Variants in PAK5 observed in about 807,000 individuals in gnomAD.
PAK5 encodes the protein serine/threonine-protein kinase PAK 5.
In PAK5, 16 loss-of-function variants were observed where a neutral mutation model predicts 65.9. The ratio of observed to expected loss-of-function variants is 0.24; its 90% CI spans 0.16 to 0.37. The LOEUF is 0.37. Ranked by LOEUF, PAK5 falls within the 10% of genes least tolerant of loss-of-function variation. PAK5 has a pLI of 1.00. For missense variants in PAK5, 785 were observed against 903.9 expected (o/e 0.87, Z 1.69); for synonymous variants, 371 against 354.9 (o/e 1.05, Z -0.51).
chr20:9,707,441 AG>A (rs2048022878), intron 2 of PAK5, among the ~76,000 whole-genome samples: 1 of 152,174 alleles, frequency 6.6e-6, no homozygotes. Context: ...TTATTTGGCT[AG>A]GGAATACCTA....
Position 9,772,533 on chromosome 20 carries a change from G to T in PAK5, c.-161-61098C>A, listed in dbSNP as rs369999986. On this transcript the variant is annotated intron_variant, in intron 1 of 9. Transcript: ENST00000353224. ...GCTCTAAACGCCCCAGTCTCCTTGT[G>T]AAGATAATCTGGCTTCCCATTTGGT... Among the ~76,000 whole-genome samples, 9 of 152,314 alleles carry T rather than the reference G, an allele frequency of 5.9e-5. No homozygotes were observed. In the South Asian group the frequency reaches 1.0e-3, roughly 18 times the overall value.
chr20:9,803,596 G>A (rs2123740940), intron 1 of PAK5, among the ~76,000 whole-genome samples: 1 of 152,242 alleles, frequency 6.6e-6, no homozygotes, highest in South Asian at 2.1e-4. Context: ...AGTGGATGTT[G>A]GAAAAGCTGA....
intron 1 of PAK5, among the ~76,000 whole-genome samples, chr20:9,778,809 G>A (rs1437299915): frequency 6.6e-6 from 1 of 152,124 alleles, no homozygotes; most frequent in Non-Finnish European, 1.5e-5. Context: ...TACATGCATA[G>A]TTTAATAAAT....
At chr20:9,737,973 T>C (rs888828930) in intron 1 of PAK5, among the ~76,000 whole-genome samples, 1 of 152,082 alleles carries the variant, frequency 6.6e-6, no homozygotes, top group Non-Finnish European at 1.5e-5. Flanking sequence ...AAACCCCATC[T>C]TTACTAAAAA....
intron 1 of PAK5, among the ~76,000 whole-genome samples, chr20:9,837,650 A>G (rs1163819338): frequency 6.6e-6 from 1 of 152,190 alleles, no homozygotes; most frequent in African/African-American, 2.4e-5. Context: ...AGGTAAGAGA[A>G]AGAGTGTCTA....
At chr20:9,541,726 C>T (rs1032700725) in intron 9 of PAK5, among the ~76,000 whole-genome samples, 1 of 152,180 alleles carries the variant, frequency 6.6e-6, no homozygotes, top group Non-Finnish European at 1.5e-5. Flanking sequence ...TCTGTGCCCA[C>T]TCAAATCTCA....
intron 1 of PAK5, among the ~76,000 whole-genome samples, chr20:9,794,429 G>C (rs2049083256): frequency 6.6e-6 from 1 of 152,038 alleles, no homozygotes; most frequent in South Asian, 2.1e-4. Flanking sequence ...CTCTGCATAA[G>C]CAATAAAGAC....
In PAK5 at chr20:9,641,205, G is replaced by A. The variant is rs577306292; in HGVS notation, c.204+2920C>T. 5.3e-3 allele frequency among the ~76,000 whole-genome samples: 800 copies of A among 151,906 alleles called. 6 individuals are homozygous for A. The highest frequency in any genetic ancestry group is 0.011 in the South Asian group (55 of 4,788). ...CCAGAGCAGCTAGATACAGAGTGTC[G>A]ATTGGTGCACCCACAAACCTTGAGC... On this transcript the variant is annotated intron_variant, in intron 3 of 9. Transcript: ENST00000353224.
intron 2 of PAK5, among the ~76,000 whole-genome samples, chr20:9,661,863 T>C (rs1308503327): frequency 1.3e-5 from 2 of 152,176 alleles, no homozygotes; most frequent in South Asian, 2.1e-4. Flanking sequence ...GCCAAAAGCC[T>C]ATGGCTCCTA....
chr20:9,627,910 A>G (rs2046869588), intron 3 of PAK5, among the ~76,000 whole-genome samples: 2 of 152,218 alleles, frequency 1.3e-5, no homozygotes, highest in Non-Finnish European at 2.9e-5. Flanking sequence ...TATAGGCATG[A>G]GCCATTGCGC....
In PAK5 at chr20:9,566,369, C is replaced by T; in HGVS notation, c.1006G>A (p.Ala336Thr). Residue 336 changes from alanine (A) to threonine (T), a missense_variant, in exon 5 of 10, where the codon GCA (alanine) becomes ACA (threonine). By Grantham distance (58) the Ala-to-Thr change is moderately conservative. This residue lies in a region of PAK5 where 422 missense variants were observed against 413.3 expected (regional missense o/e 1.02). Transcript: ENST00000353224. Reference sequence around the variant, plus strand: ...AGTGGAGGGCTGAGGACCATCTGTGCTCGATCGTAATCCACCTGGGAAGAC... The same window carrying T: ...AGTGGAGGGCTGAGGACCATCTGTGTTCGATCGTAATCCACCTGGGAAGAC... ...MCIPKVDYDR[A>T]QMVLSPPLSG... is the part of the protein sequence containing the mutation. 6.2e-7 allele frequency: 1 copy of T among 1,613,070 alleles called. No homozygotes were observed. Among genetic ancestry groups the T allele is most frequent in the Non-Finnish European group, 8.5e-7 (1 of 1,179,678 alleles).
intron 1 of PAK5, among the ~76,000 whole-genome samples, chr20:9,760,558 T>G (rs2048686541): frequency 1.3e-5 from 2 of 149,840 alleles, no homozygotes; most frequent in Admixed American, 1.3e-4. Context: ...ACAGAGAATT[T>G]CAAGTTTTTG....
chr20:9,714,352 T>C (rs1462054132), intron 1 of PAK5, among the ~76,000 whole-genome samples: 2 of 152,156 alleles, frequency 1.3e-5, no homozygotes, highest in Non-Finnish European at 2.9e-5. Context: ...ACAGCTTTTA[T>C]TTCATTATAT....
At chr20:9,789,728 CTG>C (rs767356516) in intron 1 of PAK5, among the ~76,000 whole-genome samples, 3 of 152,218 alleles carry the variant, frequency 2.0e-5, no homozygotes, top group Non-Finnish European at 2.9e-5. Flanking sequence ...GGCAGACAAA[CTG>C]TCTCCTGAAT....
intron 2 of PAK5, among the ~76,000 whole-genome samples, chr20:9,709,078 C>T (rs556288611): frequency 7.9e-5 from 12 of 152,278 alleles, no homozygotes; most frequent in African/African-American, 2.9e-4. Context: ...AGTCTTGTTG[C>T]TTCAGAATCC....
chr20:9,552,227 C>A (rs1665590980), intron 7 of PAK5, among the ~76,000 whole-genome samples: 1 of 152,150 alleles, frequency 6.6e-6, no homozygotes, highest in South Asian at 2.1e-4. Context: ...GTCTCTTTTC[C>A]ATAAACTTAT....
intron 2 of PAK5, among the ~76,000 whole-genome samples, chr20:9,678,065 G>T (rs1409545814): frequency 6.6e-6 from 1 of 152,174 alleles, no homozygotes; most frequent in East Asian, 1.9e-4. Context: ...TCTAGCCTCA[G>T]TTTCTACCAA....
rs147878539 is a variant in PAK5 at position 9,576,237 on chromosome 20, A to G, written c.990+3908T>C. On this transcript the variant is annotated intron_variant, in intron 4 of 9. Transcript: ENST00000353224. The stretch of plus-strand genomic sequence containing the variant: ...GCACAGTTAAGCAACTTGTTCACCC[A>G]GTTAATAAGTGGCAATGTCAAGACT... 3.3e-3 allele frequency among the ~76,000 whole-genome samples: 509 copies of G among 152,348 alleles called. 2 individuals carry two copies. The highest frequency in any genetic ancestry group is 0.012 in the African/African-American group (494 of 41,580).
At chr20:9,641,858 C>T (rs2047070936) in intron 3 of PAK5, among the ~76,000 whole-genome samples, 1 of 152,186 alleles carries the variant, frequency 6.6e-6, no homozygotes, top group South Asian at 2.1e-4. Context: ...TGCCCGGGGC[C>T]AGCAGGGCTG....
Sources: allele counts gnomAD v4.1 joint callset (sites outside exome capture counted in the v4.1 genomes callset), GRCh38; gene constraint gnomAD v4.1.1; regional missense constraint gnomAD v4.1.1; transcripts MANE v1.5; gene names NCBI Gene and HGNC (gene_info 2026-07-23, HGNC 2026-07-21).